The following LRRC4C variants were observed in gnomAD, a reference collection of about 807,000 sequenced individuals.
LRRC4C encodes leucine-rich repeat-containing protein 4C.
A neutral mutation model predicts 33.6 loss-of-function variants in LRRC4C; 5 were observed. The observed-to-expected ratio is 0.15, with a 90% CI of 0.08 to 0.31. The LOEUF (loss-of-function observed/expected upper bound fraction) is 0.31. Ranked by LOEUF, LRRC4C falls within the 10% of genes least tolerant of loss-of-function variation. The probability of loss-of-function intolerance (pLI) is 1.00; values close to 1 mark genes in which losing one functional copy is unlikely to be tolerated. For missense variants in LRRC4C, 560 were observed against 796.7 expected (o/e 0.70, Z 3.58); for synonymous variants, 329 against 302.0 (o/e 1.09, Z -0.93).
chr11:40,459,418 A>G (rs1246628966), intron 3 of LRRC4C, among the ~76,000 whole-genome samples: 2 of 130,562 alleles, frequency 1.5e-5, no homozygotes, highest in Middle Eastern at 3.8e-3. Context: ...TGCCCATCTC[A>G]GTCAGAGGGG....
chr11:40,824,276 T>C (rs548551445), intron 2 of LRRC4C, among the ~76,000 whole-genome samples: 4 of 152,086 alleles, frequency 2.6e-5, no homozygotes, highest in Admixed American at 6.6e-5. Flanking sequence ...TTCTAATTTG[T>C]GAATTTTATT....
chr11:41,204,346 T>C (rs1946513962), intron 1 of LRRC4C, among the ~76,000 whole-genome samples: 2 of 152,186 alleles, frequency 1.3e-5, no homozygotes, highest in African/African-American at 4.8e-5. Context: ...CTGGGCACCA[T>C]ATCTTGCTTT....
At chr11:41,259,185 T>A (rs1400989376) in intron 1 of LRRC4C, among the ~76,000 whole-genome samples, 1 of 151,982 alleles carries the variant, frequency 6.6e-6, no homozygotes, top group African/African-American at 2.4e-5. Flanking sequence ...ACTTCTCAAG[T>A]AGAGATAACT....
rs1392121774 is a variant in LRRC4C at position 40,127,525 on chromosome 11, A to T, written c.-42-11191T>A. On this transcript the variant is annotated intron_variant, in intron 6 of 6. Transcript: ENST00000528697. ...CAAAAAAGTTTGAATGTATTTTAAT[A>T]AAAAAAAACTTAGAAACTTGAGGCT... Among the ~76,000 whole-genome samples the T allele has an allele frequency of 2.6e-5, 4 of 151,668 alleles. No homozygotes were observed. In the South Asian group the frequency reaches 6.2e-4, roughly 24 times the overall value.
At chr11:40,796,750 G>A (rs575890944) in intron 2 of LRRC4C, among the ~76,000 whole-genome samples, 3 of 147,894 alleles carry the variant, frequency 2.0e-5, no homozygotes, top group South Asian at 2.2e-4. Flanking sequence ...GGGTTCAACC[G>A]ACTCTCCTGC....
chr11:40,808,338 C>T (rs530232082), intron 2 of LRRC4C, among the ~76,000 whole-genome samples: 2 of 151,952 alleles, frequency 1.3e-5, no homozygotes, highest in Admixed American at 6.6e-5. Flanking sequence ...AATACATGTT[C>T]TCCACCCCTA....
intron 5 of LRRC4C, among the ~76,000 whole-genome samples, chr11:40,163,312 C>T (rs1565074526): frequency 2.0e-5 from 3 of 152,114 alleles, no homozygotes; most frequent in African/African-American, 7.2e-5. Flanking sequence ...GTAAAGATTG[C>T]CTGTCTTTCA....
intron 1 of LRRC4C, among the ~76,000 whole-genome samples, chr11:41,285,977 G>A (rs1184914520): frequency 6.6e-6 from 1 of 151,782 alleles, no homozygotes; most frequent in Non-Finnish European, 1.5e-5. Flanking sequence ...CTACAGGCAC[G>A]TGCCACCACA....
At chr11:40,420,255 T>G (rs1419572130) in intron 3 of LRRC4C, among the ~76,000 whole-genome samples, 1 of 152,174 alleles carries the variant, frequency 6.6e-6, no homozygotes, top group Non-Finnish European at 1.5e-5. Context: ...ACAATTGTAC[T>G]GAGGCCATGT....
At chr11:40,162,170 A>G (rs1781924500) in intron 5 of LRRC4C, among the ~76,000 whole-genome samples, 1 of 152,054 alleles carries the variant, frequency 6.6e-6, no homozygotes, top group South Asian at 2.1e-4. Flanking sequence ...AAGAAAAAAA[A>G]AAAAAGACTG....
At chr11:41,123,284 T>C (rs1942555280) in intron 1 of LRRC4C, among the ~76,000 whole-genome samples, 1 of 121,600 alleles carries the variant, frequency 8.2e-6, no homozygotes, top group Non-Finnish European at 1.7e-5. Flanking sequence ...TTTTTTTTTT[T>C]TTTTTTGAGA....
At chr11:40,121,640 T>C (rs1367555766) in intron 6 of LRRC4C, among the ~76,000 whole-genome samples, 1 of 152,210 alleles carries the variant, frequency 6.6e-6, no homozygotes, top group Non-Finnish European at 1.5e-5. Context: ...TATCTTGACT[T>C]TGTCAACAGA....
intron 1 of LRRC4C, among the ~76,000 whole-genome samples, chr11:41,402,693 A>G (rs909484341): frequency 2.6e-5 from 4 of 152,068 alleles, no homozygotes; most frequent in African/African-American, 9.7e-5. Flanking sequence ...TTATAATAAT[A>G]TTTAGAAAGG....
intron 3 of LRRC4C, among the ~76,000 whole-genome samples, chr11:40,486,020 G>C (rs1454316075): frequency 1.3e-5 from 2 of 151,762 alleles, no homozygotes; most frequent in Non-Finnish European, 2.9e-5. Context: ...GGAGAGTGAG[G>C]ATCAGGAAAA....
rs561876120 is a variant in LRRC4C at position 40,267,602 on chromosome 11, C to T, written c.-175-26004G>A. 1.4e-3 allele frequency among the ~76,000 whole-genome samples: 214 copies of T among 152,256 alleles called. 2 individuals are homozygous for T. The highest frequency in any genetic ancestry group is 4.9e-3 in the African/African-American group (203 of 41,550). On this transcript the variant is annotated intron_variant, in intron 4 of 6. Coordinates refer to ENST00000528697, the MANE Select transcript of LRRC4C (RefSeq NM_001258419.2). ...TCCTGACCTCGTGATCTTCCCGCCT[C>T]GGCCTCCCAAAGTGCTGGGATTACA...
chr11:40,767,552 A>C (rs999174915), intron 2 of LRRC4C, among the ~76,000 whole-genome samples: 1 of 152,212 alleles, frequency 6.6e-6, no homozygotes, highest in East Asian at 1.9e-4. Context: ...GATCAGTTTC[A>C]AGGAAAGACC....
chr11:40,729,638 T>G (rs923786804), intron 2 of LRRC4C, among the ~76,000 whole-genome samples: 4 of 152,160 alleles, frequency 2.6e-5, no homozygotes, highest in Non-Finnish European at 5.9e-5. Context: ...TTCTTACATG[T>G]TATAACTTCC....
chr11:40,870,327 TG>T (rs2135932971), intron 2 of LRRC4C, among the ~76,000 whole-genome samples: 2 of 152,232 alleles, frequency 1.3e-5, no homozygotes, highest in East Asian at 3.9e-4. Context: ...TGGTGGTGCA[TG>T]GGATATGGTG....
intron 2 of LRRC4C, among the ~76,000 whole-genome samples, chr11:40,782,859 C>A (rs1030578887): frequency 2.0e-5 from 3 of 152,028 alleles, no homozygotes; most frequent in Non-Finnish European, 4.4e-5. Flanking sequence ...CAGATGTACA[C>A]ACATGTGTAT....
Sources: allele counts gnomAD v4.1 joint callset (sites outside exome capture counted in the v4.1 genomes callset), GRCh38; gene constraint gnomAD v4.1.1; transcripts MANE v1.5; gene names NCBI Gene and HGNC (gene_info 2026-07-23, HGNC 2026-07-21).